Variants in FBXO21 observed in about 807,000 individuals in gnomAD.
The protein encoded by FBXO21 is F-box only protein 21.
In FBXO21, 32 loss-of-function variants were observed where a neutral mutation model predicts 76.6. The ratio of observed to expected loss-of-function variants is 0.42; its 90% CI spans 0.32 to 0.56. The LOEUF is 0.56. Among genes scored for constraint, FBXO21 ranks in the 20% least tolerant of loss-of-function variants. The pLI, the probability that FBXO21 is intolerant of heterozygous loss-of-function variation, is 0.16. For synonymous variants in FBXO21, 328 were observed against 311.5 expected (o/e 1.05, Z -0.56); for missense variants, 586 against 797.3 (o/e 0.73, Z 3.19).
chr12:117,158,696 G>C (rs555478244), intron 9 of FBXO21, among the ~76,000 whole-genome samples: 4 of 152,258 alleles, frequency 2.6e-5, no homozygotes, highest in Non-Finnish European at 5.9e-5. Context: ...AAATCCTGCT[G>C]GTCACTTCAG....
chr12:117,189,184 C>T, intron 2 of FBXO21, 43 bp downstream of exon 2: 2 of 1,613,562 alleles, frequency 1.2e-6, no homozygotes, highest in Non-Finnish European at 8.5e-7. Flanking sequence ...CAGACACATA[C>T]ACCAGCAAGC....
intron 11 of FBXO21, among the ~76,000 whole-genome samples, chr12:117,152,505 CA>C (rs1379086033): frequency 6.9e-6 from 1 of 145,256 alleles, no homozygotes; most frequent in Admixed American, 7.2e-5. Context: ...CTGGATTCTT[CA>C]AAAAGTCAAA....
chr12:117,188,957 G>A (rs1466329302), intron 2 of FBXO21: 3 of 414,888 alleles, frequency 7.2e-6, no homozygotes, highest in Non-Finnish European at 1.3e-5. Context: ...TCTGGACTCC[G>A]TCTACATTGT....
chr12:117,160,461 A>C (rs1955964751), intron 9 of FBXO21, among the ~76,000 whole-genome samples: 2 of 152,142 alleles, frequency 1.3e-5, no homozygotes, highest in South Asian at 4.2e-4. Context: ...TCTGCACTCG[A>C]TGGCTTCAGG....
In FBXO21 at chr12:117,190,431, G is replaced by T; in HGVS notation, c.26C>A (p.Ala9Glu). The change falls in exon 1 of 12, where the codon GCG becomes GAG. Residue 9 changes from alanine (A) to glutamate (E), a missense_variant. This residue lies in a region of FBXO21 where 152 missense variants were observed against 127.2 expected (regional missense o/e 1.19). Coordinates refer to ENST00000622495, the MANE Select transcript of FBXO21 (RefSeq NM_015002.3). ...CGCCAGCGCCGGCACCACCTCCATC[G>T]CGCTGTCGACTGCTGCCGCCGCCAT... MAAAAVDS[A>E]MEVVPALAEE... 3 of 1,440,962 alleles carry T rather than the reference G, an allele frequency of 2.1e-6. No individual in the cohort carries two copies. The highest frequency in any genetic ancestry group is 2.8e-6 in the Non-Finnish European group (3 of 1,084,488). 89.3% of individuals were successfully genotyped at this position (1,440,962 alleles called of 1,614,324 possible). A position where few individuals can be genotyped will look rare whatever the true frequency, so the allele number is the denominator to read the frequency against.
chr12:117,153,417 G>A (rs1344214643), intron 11 of FBXO21, among the ~76,000 whole-genome samples: 1 of 152,218 alleles, frequency 6.6e-6, no homozygotes, highest in East Asian at 1.9e-4. Flanking sequence ...AATGGGTTCA[G>A]TGAGTCGGGG....
intron 11 of FBXO21, among the ~76,000 whole-genome samples, chr12:117,153,744 T>C (rs1955875940): frequency 6.6e-6 from 1 of 152,234 alleles, no homozygotes; most frequent in South Asian, 2.1e-4. Context: ...GGAACTCTCA[T>C]AGTGTAGGAA....
At chr12:117,189,199 G>C (rs1232135593) in intron 2 of FBXO21, 28 bp downstream of exon 2, 1 of 1,614,066 alleles carries the variant, frequency 6.2e-7, no homozygotes, top group South Asian at 1.1e-5. Context: ...GCAAGCCAAA[G>C]CTTAGAGCCA....
intron 3 of FBXO21, among the ~76,000 whole-genome samples, chr12:117,185,575 T>C (rs2036312): frequency 0.38 from 57,792 of 151,908 alleles, 12,146 homozygotes; most frequent in Admixed American, 0.55. Context: ...AAATAAAAGG[T>C]ATATGAAATT....
At chr12:117,155,520 T>C (rs1052319038) in intron 11 of FBXO21, 15 of 487,834 alleles carry the variant, frequency 3.1e-5, no homozygotes, top group South Asian at 7.8e-5. Context: ...AGGAATTTGA[T>C]TGGCATAGAC....
At chr12:117,165,937 C>A (rs1332624841) in intron 8 of FBXO21, among the ~76,000 whole-genome samples, 1 of 152,150 alleles carries the variant, frequency 6.6e-6, no homozygotes, top group East Asian at 1.9e-4. Flanking sequence ...TGCCTGTAAT[C>A]CCACCACTTT....
At chr12:117,189,487 A>T (rs1258969253) in intron 1 of FBXO21, 125 bp from the exon 2 acceptor site, 12 of 953,944 alleles carry the variant, frequency 1.3e-5, no homozygotes, top group Non-Finnish European at 1.8e-5. Flanking sequence ...CCGGCGAGAG[A>T]CCTAGTTCAA....
chr12:117,165,964 C>A (rs545216262), intron 8 of FBXO21, among the ~76,000 whole-genome samples: 15 of 152,118 alleles, frequency 9.9e-5, no homozygotes, highest in Non-Finnish European at 1.6e-4. Flanking sequence ...CCAAGGCGGG[C>A]GGATCACCTG....
rs191225100 is a variant in FBXO21, at chr12:117,157,739, G to A, written c.1517+134C>T. The A allele has an allele frequency of 3.1e-4, 193 of 629,428 alleles. 2 individuals are homozygous for A. In the African/African-American group the frequency reaches 3.3e-3, roughly 11 times the overall value. The allele number at this position is 629,428 out of a possible 1,614,324, so 39.0% of individuals were successfully genotyped here. A position where few individuals can be genotyped will look rare whatever the true frequency, so the allele number is the denominator to read the frequency against. ...AGAGGTTCAGCTTTCTGTCTTCCCC[G>A]CGGTGCGCACTCGGGGGATAAGTGA... On this transcript the variant is annotated intron_variant, in intron 10 of 11. Coordinates refer to ENST00000622495, the MANE Select transcript of FBXO21 (RefSeq NM_015002.3).
chr12:117,158,983 G>A (rs10850777), intron 9 of FBXO21, among the ~76,000 whole-genome samples: 57,561 of 152,020 alleles, frequency 0.38, 12,107 homozygotes, highest in Admixed American at 0.55. Context: ...TGCTTAGTGC[G>A]TTACAGCAAC....
chr12:117,179,798 T>G (rs1166798652), intron 3 of FBXO21, among the ~76,000 whole-genome samples: 1 of 152,196 alleles, frequency 6.6e-6, no homozygotes, highest in Non-Finnish European at 1.5e-5. Context: ...TCTTAATTCA[T>G]TAGCTGGGAT....
intron 3 of FBXO21, among the ~76,000 whole-genome samples, chr12:117,180,088 A>G (rs539915062): frequency 3.3e-5 from 5 of 152,326 alleles, no homozygotes; most frequent in African/African-American, 1.2e-4. Flanking sequence ...TTGGTTCCTC[A>G]ATACTTCCGA....
intron 9 of FBXO21, among the ~76,000 whole-genome samples, chr12:117,161,409 G>A (rs952015122): frequency 5.9e-5 from 9 of 152,176 alleles, no homozygotes; most frequent in South Asian, 4.2e-4. Flanking sequence ...AAAGCCACAC[G>A]GAGGAGAGCA....
At chr12:117,165,336 A>C in intron 9 of FBXO21, 149 bp downstream of exon 9, 2 of 833,200 alleles carry the variant, frequency 2.4e-6, no homozygotes, top group Non-Finnish European at 3.6e-6. Context: ...AGAAGTAAAA[A>C]AAAATCTACC....
Sources: allele counts gnomAD v4.1 joint callset (sites outside exome capture counted in the v4.1 genomes callset), GRCh38; gene constraint gnomAD v4.1.1; regional missense constraint gnomAD v4.1.1; transcripts MANE v1.5; gene names NCBI Gene and HGNC (gene_info 2026-07-23, HGNC 2026-07-21).